TTLL11: variants seen among roughly 807,000 people sequenced by gnomAD.
TTLL11 encodes tubulin polyglutamylase TTLL11.
Under a neutral mutation model 51.7 loss-of-function variants are expected in TTLL11, and 42 were observed. The ratio of observed to expected loss-of-function variants is 0.81; its 90% CI spans 0.64 to 1.05. TTLL11 has a LOEUF of 1.05. TTLL11 is among the 50% of genes least tolerant of loss of function. TTLL11 has a pLI of 0.00. For missense variants in TTLL11, 799 were observed against 940.4 expected (o/e 0.85, Z 1.97); for synonymous variants, 381 against 383.5 (o/e 0.99, Z 0.08).
chr9:122,031,996 C>T (rs936946034), intron 2 of TTLL11, 140 bp from the exon 3 acceptor site: 2 of 1,188,786 alleles, frequency 1.7e-6, no homozygotes, highest in African/African-American at 3.1e-5. Flanking sequence ...CTGAGTTGTT[C>T]CCCACAGCGG....
chr9:121,872,451 T>G (rs781273678), intron 6 of TTLL11, among the ~76,000 whole-genome samples: 3 of 152,252 alleles, frequency 2.0e-5, no homozygotes, highest in Non-Finnish European at 4.4e-5. Context: ...CTATAAGACC[T>G]GAAACATACT....
intron 8 of TTLL11, among the ~76,000 whole-genome samples, chr9:121,857,774 C>T (rs913253024): frequency 7.2e-5 from 11 of 152,162 alleles, no homozygotes; most frequent in Admixed American, 2.0e-4. Context: ...GGACAGCCCC[C>T]GTGGATTCCG....
In TTLL11 at chr9:121,890,968, A is replaced by G. The variant is rs972453459; in HGVS notation, c.1482-20220T>C. Among the ~76,000 whole-genome samples, 1 of 152,196 alleles carries G rather than the reference A, an allele frequency of 6.6e-6. No homozygotes were observed. The highest frequency in any genetic ancestry group is 2.4e-5 in the African/African-American group (1 of 41,454). On this transcript the variant is annotated intron_variant, in intron 6 of 8. Coordinates refer to ENST00000321582, the MANE Select transcript of TTLL11 (RefSeq NM_001139442.2). This position sits in a 1 kb window ranked among gnomAD's most constrained non-coding sequence, Gnocchi z 4.3. Reference sequence around the variant, plus strand: ...TAAGCCCTCCTGCTGTCTGATAGACAAAGACCCTAAGCCTTTGCATGAAAC... The same window carrying G: ...TAAGCCCTCCTGCTGTCTGATAGACGAAGACCCTAAGCCTTTGCATGAAAC...
intron 6 of TTLL11, among the ~76,000 whole-genome samples, chr9:121,905,620 T>C (rs1588114441): frequency 1.3e-5 from 2 of 152,126 alleles, no homozygotes; most frequent in East Asian, 1.9e-4. Context: ...CCCAAAGTGC[T>C]AGGATTACAG....
chr9:121,832,975 G>T (rs898902548), intron 8 of TTLL11, among the ~76,000 whole-genome samples: 1 of 151,636 alleles, frequency 6.6e-6, no homozygotes, highest in Non-Finnish European at 1.5e-5. Context: ...AACAAAAACT[G>T]GGGGGGAGTT....
At chr9:121,904,521 C>A (rs909929968) in intron 6 of TTLL11, among the ~76,000 whole-genome samples, 1 of 152,222 alleles carries the variant, frequency 6.6e-6, no homozygotes, top group Non-Finnish European at 1.5e-5. Flanking sequence ...GGAGCCACAC[C>A]AGCGGATTCA....
intron 6 of TTLL11, among the ~76,000 whole-genome samples, chr9:121,933,352 A>G (rs1248987923): frequency 6.6e-6 from 1 of 152,204 alleles, no homozygotes; most frequent in Non-Finnish European, 1.5e-5. Flanking sequence ...ACGGGTTTTC[A>G]GCACAAGAAA....
intron 6 of TTLL11, among the ~76,000 whole-genome samples, chr9:121,896,014 T>C (rs199634888): frequency 1.0e-5 from 1 of 99,956 alleles, no homozygotes; most frequent in African/African-American, 3.7e-5. Flanking sequence ...GTATGTGTGG[T>C]TGTGTGTGTG....
intron 6 of TTLL11, among the ~76,000 whole-genome samples, chr9:121,886,022 C>A (rs1394207104): frequency 6.6e-6 from 1 of 152,202 alleles, no homozygotes; most frequent in African/African-American, 2.4e-5. Context: ...AGCCACCGTG[C>A]CCAGCCTATA....
At position 121,989,153 on chromosome 9, in the gene TTLL11, G is replaced by T; in HGVS notation, c.1269+42C>A. 1 of 1,603,042 alleles carries T rather than the reference G, an allele frequency of 6.2e-7. No individual in the cohort carries two copies. The highest frequency in any genetic ancestry group is 1.1e-5 in the South Asian group (1 of 88,812). On this transcript the variant is annotated intron_variant, in intron 4 of 8. Transcript: ENST00000321582. The surrounding 1 kb of genome is among the most constrained non-coding windows in gnomAD (Gnocchi z 4.2). ...GAAGCCAGAGAGCCCTCTTGAGGCCGGTCAAGGCTGGAAACGCAGGCTGGG... is the reference window on the plus strand; with the variant it reads ...GAAGCCAGAGAGCCCTCTTGAGGCCTGTCAAGGCTGGAAACGCAGGCTGGG...
At chr9:121,994,117 T>C (rs1475380644) in intron 3 of TTLL11, among the ~76,000 whole-genome samples, 1 of 152,046 alleles carries the variant, frequency 6.6e-6, no homozygotes, top group Admixed American at 6.5e-5. Flanking sequence ...CAGTCTGCAG[T>C]GAGGTCACCT....
chr9:121,926,140 C>CTTGCCT (rs1564308441), intron 6 of TTLL11, among the ~76,000 whole-genome samples: 1 of 152,164 alleles, frequency 6.6e-6, no homozygotes, highest in Admixed American at 6.5e-5. Context: ...TGCCTTCACA[C>CTTGCCT]GCTTCTGCCA....
rs975528640 is a variant in TTLL11, at chr9:121,995,954, C to A, written c.694-6184G>T. On this transcript the variant is annotated intron_variant, in intron 3 of 8. Transcript: ENST00000321582. The surrounding 1 kb of genome is among the most constrained non-coding windows in gnomAD (Gnocchi z 4.4). ...ACGGGCCCGTGAGAAGTAGTGCCTG[C>A]CACTGTGCAGGCAAACATTTTCAGC... Among the ~76,000 whole-genome samples the A allele has an allele frequency of 6.6e-6, 1 of 152,174 alleles. No homozygotes were observed. The highest frequency in any genetic ancestry group is 2.4e-5 in the African/African-American group (1 of 41,434).
intron 6 of TTLL11, among the ~76,000 whole-genome samples, chr9:121,894,796 T>C (rs1321707620): frequency 6.6e-6 from 1 of 152,164 alleles, no homozygotes; most frequent in African/African-American, 2.4e-5. Context: ...ATACCTAATG[T>C]AGATGACAGG....
At chr9:121,984,801 G>T (rs529552388) in intron 4 of TTLL11, among the ~76,000 whole-genome samples, 2 of 152,176 alleles carry the variant, frequency 1.3e-5, no homozygotes, top group Admixed American at 1.3e-4. Context: ...GGGAAAGAAC[G>T]TTCTTGAAAG....
At chr9:121,957,108 T>C (rs1842043342) in intron 6 of TTLL11, among the ~76,000 whole-genome samples, 1 of 152,174 alleles carries the variant, frequency 6.6e-6, no homozygotes, top group Non-Finnish European at 1.5e-5. Context: ...CTCGACTCCA[T>C]GGCTAAGGCC....
intron 6 of TTLL11, among the ~76,000 whole-genome samples, chr9:121,961,527 C>T (rs1842220555): frequency 6.6e-6 from 1 of 152,158 alleles, no homozygotes; most frequent in Non-Finnish European, 1.5e-5. Flanking sequence ...CCAACCCTCA[C>T]CCACTCCACT....
intron 7 of TTLL11, 126 bp from the exon 8 acceptor site, chr9:121,860,569 C>A: frequency 1.3e-6 from 1 of 753,656 alleles, no homozygotes; most frequent in Non-Finnish European, 2.2e-6. Context: ...CCTATCCCTC[C>A]AATGTGATGG....
chr9:122,055,840 A>G (rs900168812), intron 1 of TTLL11, among the ~76,000 whole-genome samples: 3 of 152,182 alleles, frequency 2.0e-5, no homozygotes, highest in African/African-American at 7.2e-5. Flanking sequence ...CTCTTGACGA[A>G]AAAAAGGGAA....
Sources: gnomAD v4.1 joint callset for allele counts (sites outside exome capture counted in the v4.1 genomes callset) on GRCh38, gnomAD v4.1.1 for gene constraint, Gnocchi (gnomAD v3.1) non-coding constraint, MANE v1.5 for transcripts, NCBI Gene and HGNC (gene_info 2026-07-23, HGNC 2026-07-21) for gene names.